IGSF21: variants seen among roughly 807,000 people sequenced by gnomAD.
The protein encoded by IGSF21 is immunoglobulin superfamily member 21.
In IGSF21, 28 loss-of-function variants were observed where a neutral mutation model predicts 46.8. The observed-to-expected ratio is 0.60, with a 90% CI of 0.44 to 0.82. IGSF21 has a LOEUF of 0.82. Ranked by LOEUF, IGSF21 falls within the 40% of genes least tolerant of loss-of-function variation. The pLI, the probability that IGSF21 is intolerant of heterozygous loss-of-function variation, is 0.00. For synonymous variants in IGSF21, 284 were observed against 273.6 expected, an observed-to-expected ratio of 1.04 and a Z score of -0.38; for missense variants, 624 against 665.5, an observed-to-expected ratio of 0.94 and a Z score of 0.69.
chr1:18,323,283 C>T (rs1382663077), intron 3 of IGSF21, among the ~76,000 whole-genome samples: 1 of 152,170 alleles, frequency 6.6e-6, no homozygotes, highest in Admixed American at 6.5e-5. Context: ...TTGTCCTGTC[C>T]CAGCTTCACC....
intron 4 of IGSF21, among the ~76,000 whole-genome samples, chr1:18,359,393 A>AT (rs2086066607): frequency 1.7e-5 from 2 of 117,242 alleles, no homozygotes; most frequent in African/African-American, 7.1e-5. Context: ...AAAGGAAGGA[A>AT]GGAAGGAAGG....
chr1:18,281,481 G>T (rs934564444), intron 2 of IGSF21, among the ~76,000 whole-genome samples: 1 of 151,754 alleles, frequency 6.6e-6, no homozygotes, highest in East Asian at 1.9e-4. Flanking sequence ...CAGGAGAATT[G>T]CTTGAACTCA....
rs2085789443 is a variant in IGSF21 at position 18,337,998 on chromosome 1, G to A, written c.424+2988G>A. On this transcript the variant is annotated intron_variant, in intron 4 of 9. Transcript: ENST00000251296. This position sits in a 1 kb window ranked among gnomAD's most constrained non-coding sequence, Gnocchi z 5.7. ...AGGGGAGGGCCGGGGGAGGCGGCGT[G>A]GCTGAGTGTTTCTCATACAGCATCT... 6.6e-6 allele frequency among the ~76,000 whole-genome samples: 1 copy of A among 152,044 alleles called. No individual in the cohort carries two copies. Among genetic ancestry groups the A allele is most frequent in the Non-Finnish European group, 1.5e-5 (1 of 68,020 alleles).
chr1:18,219,255 G>A (rs2084483220), intron 1 of IGSF21, among the ~76,000 whole-genome samples: 1 of 152,230 alleles, frequency 6.6e-6, no homozygotes, highest in Admixed American at 6.5e-5. Context: ...TGACATTTGA[G>A]CAGAGAAAGG....
intron 2 of IGSF21, among the ~76,000 whole-genome samples, chr1:18,262,495 G>A (rs913756030): frequency 2.0e-5 from 3 of 152,168 alleles, no homozygotes; most frequent in Admixed American, 1.3e-4. Context: ...AAAAAATGGG[G>A]ATAATAATTC....
chr1:18,332,572 A>G (rs779377059), intron 3 of IGSF21, among the ~76,000 whole-genome samples: 4 of 150,642 alleles, frequency 2.7e-5, no homozygotes, highest in Non-Finnish European at 5.9e-5. Flanking sequence ...TAGAGAGGCT[A>G]TTTTTTCAGT....
At chr1:18,194,310 A>G (rs2086986005) in intron 1 of IGSF21, among the ~76,000 whole-genome samples, 1 of 152,206 alleles carries the variant, frequency 6.6e-6, no homozygotes, top group Non-Finnish European at 1.5e-5. Flanking sequence ...TTTACAAACA[A>G]TCCCCCTTTG....
chr1:18,254,858 TCATC>T (rs57304649), intron 2 of IGSF21, among the ~76,000 whole-genome samples: 82,356 of 150,350 alleles, frequency 0.55, 23,257 homozygotes, highest in East Asian at 0.84. Flanking sequence ...ATCCATCCAT[TCATC>T]CATCCATCCA....
intron 1 of IGSF21, among the ~76,000 whole-genome samples, chr1:18,143,908 C>T (rs926236024): frequency 6.6e-6 from 1 of 152,120 alleles, no homozygotes; most frequent in Non-Finnish European, 1.5e-5. Flanking sequence ...CCCGATCAGA[C>T]TGGGACCTCA....
rs1216465893 is a variant in IGSF21 at position 18,305,469 on chromosome 1, A to AGATG, written c.305+13499_305+13502dup. Among the ~76,000 whole-genome samples, 2 of 131,010 alleles carry AGATG rather than the reference A, an allele frequency of 1.5e-5. 1 individual carries two copies. The highest frequency in any genetic ancestry group is 6.0e-5 in the African/African-American group (2 of 33,438). The allele number at this position is 131,010 out of a possible 152,430, so 85.9% of individuals were successfully genotyped here. On this transcript the variant is annotated intron_variant, in intron 3 of 9. Transcript: ENST00000251296. ...ATGGATGCATGCATGCATGGATGACAGATGGATGGATGGATGGATGATGGA... is the reference window on the plus strand; with the variant it reads ...ATGGATGCATGCATGCATGGATGACAGATGGATGGATGGATGGATGGATGATGGA...
At chr1:18,287,192 A>T (rs1405725535) in intron 2 of IGSF21, among the ~76,000 whole-genome samples, 17 of 77,730 alleles carry the variant, frequency 2.2e-4, no homozygotes, top group African/African-American at 6.1e-4. Context: ...AAAAAAAAAA[A>T]TAAAATAAAT....
At chr1:18,207,117 T>C (rs1300778751) in intron 1 of IGSF21, among the ~76,000 whole-genome samples, 2 of 152,146 alleles carry the variant, frequency 1.3e-5, no homozygotes, top group Non-Finnish European at 2.9e-5. Flanking sequence ...AGGACTGAGG[T>C]CCCGGCTTCC....
intron 1 of IGSF21, among the ~76,000 whole-genome samples, chr1:18,119,650 C>T (rs191187667): frequency 7.2e-5 from 11 of 152,326 alleles, no homozygotes; most frequent in African/African-American, 2.6e-4. Flanking sequence ...CTGATGCCCT[C>T]AAGCTTTAAT....
intron 9 of IGSF21, among the ~76,000 whole-genome samples, chr1:18,377,735 G>GCATCTC (rs988792871): frequency 2.0e-5 from 3 of 152,172 alleles, no homozygotes; most frequent in Non-Finnish European, 4.4e-5. Flanking sequence ...ACTGCCCATG[G>GCATCTC]CATCTCTAGC....
At chr1:18,191,096 G>GA (rs1256518313) in intron 1 of IGSF21, among the ~76,000 whole-genome samples, 3 of 152,176 alleles carry the variant, frequency 2.0e-5, no homozygotes, top group Non-Finnish European at 2.9e-5. Flanking sequence ...GATAATTCCA[G>GA]AAAAAACATT....
intron 2 of IGSF21, among the ~76,000 whole-genome samples, chr1:18,271,101 G>T (rs917511018): frequency 6.6e-6 from 1 of 152,132 alleles, no homozygotes; most frequent in Non-Finnish European, 1.5e-5. Context: ...ACAGCTGCTC[G>T]CAGAGCTATG....
intron 2 of IGSF21, among the ~76,000 whole-genome samples, chr1:18,255,632 C>T (rs955765738): frequency 2.6e-5 from 4 of 151,980 alleles, no homozygotes; most frequent in Non-Finnish European, 4.4e-5. Context: ...TTGATTATAC[C>T]CTGTGTTCCT....
chr1:18,356,467 A>G (rs913472642), intron 4 of IGSF21, among the ~76,000 whole-genome samples: 5 of 152,220 alleles, frequency 3.3e-5, no homozygotes, highest in African/African-American at 1.2e-4. Context: ...TGCCACCTGG[A>G]TCTCCTGTGA....
intron 1 of IGSF21, among the ~76,000 whole-genome samples, chr1:18,209,623 T>A (rs76230516): frequency 2.3e-5 from 1 of 44,300 alleles, no homozygotes; most frequent in Non-Finnish European, 6.6e-5. Flanking sequence ...CCTGGCTAAT[T>A]TTTTTTTTTT....
Sources: gnomAD v4.1 joint callset for allele counts (sites outside exome capture counted in the v4.1 genomes callset) on GRCh38, gnomAD v4.1.1 for gene constraint, Gnocchi (gnomAD v3.1) non-coding constraint, MANE v1.5 for transcripts, NCBI Gene and HGNC (gene_info 2026-07-23, HGNC 2026-07-21) for gene names.